Variants in FAM120B observed in about 807,000 individuals in gnomAD.
FAM120B encodes constitutive coactivator of peroxisome proliferator-activated receptor gamma.
In FAM120B, 83 loss-of-function variants were observed where a neutral mutation model predicts 96.3. The ratio of observed to expected loss-of-function variants is 0.86; its 90% CI spans 0.72 to 1.03. The LOEUF (loss-of-function observed/expected upper bound fraction) is 1.03. FAM120B is among the 50% of genes least tolerant of loss of function. The pLI, the probability that FAM120B is intolerant of heterozygous loss-of-function variation, is 0.00. For missense variants in FAM120B, 1,027 were observed against 1,121.2 expected (o/e 0.92, Z 1.20); for synonymous variants, 407 against 402.7 (o/e 1.01, Z -0.13).
chr6:170,364,209 TCTC>T (rs1788637964), intron 6 of FAM120B, among the ~76,000 whole-genome samples: 1 of 152,030 alleles, frequency 6.6e-6, no homozygotes, highest in Non-Finnish European at 1.5e-5. Flanking sequence ...GGGCCCTGAG[TCTC>T]CTCCACCTTC....
chr6:170,314,930 A>G (rs1399577139), intron 1 of FAM120B, among the ~76,000 whole-genome samples: 2 of 152,238 alleles, frequency 1.3e-5, no homozygotes, highest in East Asian at 1.9e-4. Context: ...ACTGTGAGAA[A>G]TTGGTCCTGT....
Position 170,318,050 on chromosome 6 carries a change from C to A in FAM120B, c.660C>A (p.Ala220=). 1 of 1,614,096 alleles carries A rather than the reference C, an allele frequency of 6.2e-7. No individual in the cohort carries two copies. The highest frequency in any genetic ancestry group is 8.5e-7 in the Non-Finnish European group (1 of 1,179,992). Residue 220 remains alanine (A), a synonymous_variant, in exon 2 of 11, where the codon GCC becomes GCA. Transcript: ENST00000476287. The part of the protein sequence containing the change: ...KLCESLGLCV[A]DLPLLACLLG... Reference sequence around the variant, plus strand: ...GTGAGAGTCTGGGCCTCTGTGTGGCCGACCTTCCTCTTCTGGCCTGCCTCC... The same window carrying A: ...GTGAGAGTCTGGGCCTCTGTGTGGCAGACCTTCCTCTTCTGGCCTGCCTCC...
In FAM120B at chr6:170,319,121, A is replaced by C; in HGVS notation, c.1731A>C (p.Leu577Phe). ...QVTMVSDTEILKVARTHHVQA... is the reference protein window; with the variant it reads ...QVTMVSDTEIFKVARTHHVQA... ...CCATGGTTTCAGACACTGAAATCTT[A>C]AAGGTATGTGTATCTGCCCAGCCAA... The change falls in exon 2 of 11, where the codon TTA (leucine) becomes TTC (phenylalanine). Residue 577 changes from leucine (L) to phenylalanine (F), a missense_variant. Coordinates refer to ENST00000476287, the MANE Select transcript of FAM120B (RefSeq NM_032448.3). 1 of 1,556,572 alleles carries C rather than the reference A, an allele frequency of 6.4e-7. No individual in the cohort carries two copies. The highest frequency in any genetic ancestry group is 8.6e-7 in the Non-Finnish European group (1 of 1,158,502).
chr6:170,367,349 T>A (rs923816835), intron 6 of FAM120B, among the ~76,000 whole-genome samples: 1 of 152,220 alleles, frequency 6.6e-6, no homozygotes, highest in African/African-American at 2.4e-5. Context: ...AGGGAAAAAG[T>A]CAAAAGAATA....
At chr6:170,389,225 T>G (rs925745962) in intron 7 of FAM120B, among the ~76,000 whole-genome samples, 1 of 152,214 alleles carries the variant, frequency 6.6e-6, no homozygotes, top group Non-Finnish European at 1.5e-5. Flanking sequence ...ACAAAGTTCA[T>G]GTATGTCTCA....
chr6:170,335,440 C>A (rs892650646), intron 4 of FAM120B, among the ~76,000 whole-genome samples: 1 of 152,140 alleles, frequency 6.6e-6, no homozygotes, highest in Non-Finnish European at 1.5e-5. Context: ...GCCACATTTT[C>A]TTTATGCAGT....
At chr6:170,372,873 A>G (rs1789281993) in intron 6 of FAM120B, among the ~76,000 whole-genome samples, 1 of 152,190 alleles carries the variant, frequency 6.6e-6, no homozygotes, top group Admixed American at 6.5e-5. Context: ...GACCAAAGAA[A>G]ATCAGTTTAT....
intron 1 of FAM120B, among the ~76,000 whole-genome samples, chr6:170,315,380 CT>C (rs1234907045): frequency 6.6e-6 from 1 of 152,170 alleles, no homozygotes; most frequent in Admixed American, 6.5e-5. Context: ...CACCTGTCCC[CT>C]GCCTACTCTG....
chr6:170,308,001 TC>T (rs1784385453), intron 1 of FAM120B, among the ~76,000 whole-genome samples: 1 of 152,178 alleles, frequency 6.6e-6, no homozygotes, highest in South Asian at 2.1e-4. Context: ...GCAGCTGTAC[TC>T]CCAAGTTCCT....
intron 9 of FAM120B, among the ~76,000 whole-genome samples, chr6:170,399,218 A>G: frequency 6.8e-6 from 1 of 147,390 alleles, no homozygotes; most frequent in South Asian, 2.1e-4. Flanking sequence ...TGGGAAAGGT[A>G]GAACTATGTC....
chr6:170,361,839 G>C (rs1788481428), intron 6 of FAM120B, among the ~76,000 whole-genome samples: 1 of 152,048 alleles, frequency 6.6e-6, no homozygotes, highest in Admixed American at 6.5e-5. Flanking sequence ...TGTTGCCCAG[G>C]CTGGAGTGCA....
chr6:170,397,801 A>G (rs1778259956), intron 9 of FAM120B, among the ~76,000 whole-genome samples: 1 of 152,136 alleles, frequency 6.6e-6, no homozygotes, highest in Admixed American at 6.5e-5. Context: ...GATGACATGA[A>G]AGCTGTTGGC....
intron 4 of FAM120B, among the ~76,000 whole-genome samples, chr6:170,344,433 G>T (rs1265540362): frequency 1.1e-5 from 1 of 94,918 alleles, no homozygotes; most frequent in Non-Finnish European, 2.1e-5. Flanking sequence ...TGGAAGAACG[G>T]ATGAAATCGT....
chr6:170,380,878 C>G (rs957508529), intron 6 of FAM120B, among the ~76,000 whole-genome samples: 9 of 152,118 alleles, frequency 5.9e-5, no homozygotes, highest in African/African-American at 9.7e-5. Context: ...TTTATTTTTG[C>G]TTTTCTTGCC....
At chr6:170,327,034 G>A (rs1166557711) in intron 3 of FAM120B, among the ~76,000 whole-genome samples, 2 of 151,386 alleles carry the variant, frequency 1.3e-5, no homozygotes, top group Admixed American at 6.6e-5. Context: ...GTGAGTTACC[G>A]CACCAGGCCA....
chr6:170,302,170 T>A (rs1192685499), upstream of FAM120B, among the ~76,000 whole-genome samples: 4 of 152,198 alleles, frequency 2.6e-5, no homozygotes, highest in Non-Finnish European at 4.4e-5. Flanking sequence ...TAGGGAGGCC[T>A]CAGGAAACTT....
intron 9 of FAM120B, among the ~76,000 whole-genome samples, chr6:170,400,332 A>G (rs932229044): frequency 7.3e-6 from 1 of 136,368 alleles, no homozygotes; most frequent in African/African-American, 2.6e-5. Flanking sequence ...CAGATGTATC[A>G]TCAAGAACAT....
In FAM120B at chr6:170,350,173, A is replaced by G. The variant is rs79694184; in HGVS notation, c.2190+1850A>G. On this transcript the variant is annotated intron_variant, in intron 5 of 10. Transcript: ENST00000476287. ...CAAGACAAGAAATCTGTCTGTACAT[A>G]TCCCTAGGAAAGGGGCTGAATCCAA... is the stretch of plus-strand genomic sequence containing the variant. 8.8e-3 allele frequency among the ~76,000 whole-genome samples: 1,346 copies of G among 152,288 alleles called. 66 individuals are homozygous for G. The East Asian group carries it at 0.1, about 12-fold the overall frequency.
chr6:170,300,411 A>T (rs2114979671), intron 1 of FAM120B, among the ~76,000 whole-genome samples: 1 of 152,244 alleles, frequency 6.6e-6, no homozygotes, highest in East Asian at 1.9e-4. Context: ...ACATGTGGGG[A>T]TTATGGGAAC....
Sources: gnomAD v4.1 joint callset for allele counts (sites outside exome capture counted in the v4.1 genomes callset) on GRCh38, gnomAD v4.1.1 for gene constraint, MANE v1.5 for transcripts, NCBI Gene and HGNC (gene_info 2026-07-23, HGNC 2026-07-21) for gene names.